UGT1A8: variants seen among roughly 807,000 people sequenced by gnomAD.
UGT1A8 encodes UDP-glucuronosyltransferase 1A8.
A neutral mutation model predicts 45.3 loss-of-function variants in UGT1A8; 39 were observed. The observed-to-expected ratio is 0.86, with a 90% CI of 0.67 to 1.12. The LOEUF (loss-of-function observed/expected upper bound fraction) is 1.12, where lower values mean the gene tolerates loss of function less well. UGT1A8 is among the 50% of genes most tolerant of loss of function. The pLI is 0.00. For synonymous variants in UGT1A8, 275 were observed against 249.2 expected, an observed-to-expected ratio of 1.10 and a Z score of -0.97; for missense variants, 719 against 664.9, an observed-to-expected ratio of 1.08 and a Z score of -0.90.
chr2:233,651,748 A>G lies in UGT1A8; in HGVS notation c.855+33186A>G, dbSNP rs191487495. 3.2e-4 allele frequency among the ~76,000 whole-genome samples: 48 copies of G among 152,270 alleles called. 1 individual carries two copies. Among genetic ancestry groups the G allele is most frequent in the Non-Finnish European group, 5.9e-4 (40 of 68,008 alleles). On this transcript the variant is annotated intron_variant, in intron 1 of 4. Coordinates refer to ENST00000373450, the MANE Select transcript of UGT1A8 (RefSeq NM_019076.5). ...GTCATAGTCTGAAGTGTCTGATGAG[A>G]AGGAAGCATCACTTGATGGAGTGTG...
At chr2:233,682,126 T>A in intron 1 of UGT1A8, 1 of 1,614,070 alleles carries the variant, frequency 6.2e-7, no homozygotes, top group East Asian at 2.2e-5. Flanking sequence ...CAGAGGTGAG[T>A]TGGCAACTGG....
chr2:233,767,788 G>T, intron 2 of UGT1A8, 61 bp from the exon 3 acceptor site: 1 of 1,613,882 alleles, frequency 6.2e-7, no homozygotes, highest in Non-Finnish European at 8.5e-7. Flanking sequence ...TAGTATAGCA[G>T]ATTTGTTTTC....
intron 1 of UGT1A8, chr2:233,718,684 C>T (rs926562012): frequency 4.8e-5 from 76 of 1,577,802 alleles, no homozygotes; most frequent in East Asian, 2.5e-4. Context: ...TAATAAGTAA[C>T]TGGAGGAGGG....
chr2:233,682,806 C>T (rs2074601597), intron 1 of UGT1A8: 10 of 1,594,636 alleles, frequency 6.3e-6, no homozygotes, highest in Non-Finnish European at 8.6e-6. Flanking sequence ...AGTTATCTCC[C>T]CTTTAGCACA....
chr2:233,656,608 T>G (rs11893247), intron 1 of UGT1A8, among the ~76,000 whole-genome samples: 16,162 of 152,226 alleles, frequency 0.11, 997 homozygotes, highest in African/African-American at 0.18. Flanking sequence ...TGTGTAGTTT[T>G]GTATCTGATT....
At chr2:233,621,359 T>C (rs1318235477) in intron 1 of UGT1A8, among the ~76,000 whole-genome samples, 2 of 152,118 alleles carry the variant, frequency 1.3e-5, no homozygotes, top group African/African-American at 4.8e-5. Flanking sequence ...TGATGACTGG[T>C]TTTAGGTGAA....
chr2:233,646,020 G>A (rs1385112121), intron 1 of UGT1A8, among the ~76,000 whole-genome samples: 3 of 152,198 alleles, frequency 2.0e-5, no homozygotes, highest in Admixed American at 6.5e-5. Flanking sequence ...TATCCATACA[G>A]CCTCTGAAAT....
rs1575382008 is a variant in UGT1A8, at chr2:233,622,683, T to C, written c.855+4121T>C. ...TTCTCCCATTTCATAGGTTGCCTTT[T>C]CACTCTGATGATAGTTTCTTTTGCT... On this transcript the variant is annotated intron_variant, in intron 1 of 4. Coordinates refer to ENST00000373450, the MANE Select transcript of UGT1A8 (RefSeq NM_019076.5). Among the ~76,000 whole-genome samples, 3 of 152,242 alleles carry C rather than the reference T, an allele frequency of 2.0e-5. No individual in the cohort carries two copies. The South Asian group carries it at 6.2e-4, about 31-fold the overall frequency.
At chr2:233,623,987 T>C (rs541355740) in intron 1 of UGT1A8, among the ~76,000 whole-genome samples, 37 of 152,272 alleles carry the variant, frequency 2.4e-4, no homozygotes, top group African/African-American at 7.7e-4. Context: ...TTCTTACAAA[T>C]ACTTTATTTT....
intron 1 of UGT1A8, chr2:233,747,278 C>T (rs925407656): frequency 6.3e-6 from 10 of 1,599,168 alleles, no homozygotes; most frequent in Non-Finnish European, 8.5e-6. Flanking sequence ...CTTCTCAGTG[C>T]CCAGCCCTGG....
intron 1 of UGT1A8, among the ~76,000 whole-genome samples, chr2:233,706,498 G>T (rs908363242): frequency 7.2e-5 from 11 of 152,246 alleles, no homozygotes; most frequent in African/African-American, 2.4e-4. Context: ...GTCCAGGCTG[G>T]TGTGATGCTG....
chr2:233,747,597 G>A (rs1160963474), intron 1 of UGT1A8: 51 of 1,576,164 alleles, frequency 3.2e-5, no homozygotes, highest in Non-Finnish European at 4.2e-5. Context: ...TAGGTCTTGT[G>A]TGGAGCTACT....
intron 1 of UGT1A8, chr2:233,648,669 T>A (rs2073664657): frequency 3.2e-6 from 1 of 308,978 alleles, no homozygotes; most frequent in African/African-American, 2.2e-5. Flanking sequence ...TTTCACCGTG[T>A]TAGCCAGGAT....
At chr2:233,764,825 G>A (rs1698655202) in intron 1 of UGT1A8, among the ~76,000 whole-genome samples, 1 of 152,070 alleles carries the variant, frequency 6.6e-6, no homozygotes, top group African/African-American at 2.4e-5. Flanking sequence ...ATGCAGCATG[G>A]TGGTGGGGAG....
chr2:233,639,930 T>C (rs2018609), intron 1 of UGT1A8, among the ~76,000 whole-genome samples: 47,491 of 151,908 alleles, frequency 0.31, 8,028 homozygotes, highest in East Asian at 0.52. Context: ...GAAGTCACTC[T>C]TAGTCTCTTT....
chr2:233,738,734 C>G (rs1273987564), intron 1 of UGT1A8, among the ~76,000 whole-genome samples: 1 of 152,148 alleles, frequency 6.6e-6, no homozygotes, highest in Non-Finnish European at 1.5e-5. Context: ...AAATTTGCAG[C>G]CTGACCATGT....
chr2:233,673,511 A>C (rs983652888), intron 1 of UGT1A8, among the ~76,000 whole-genome samples: 2 of 152,138 alleles, frequency 1.3e-5, no homozygotes, highest in African/African-American at 2.4e-5. Flanking sequence ...AGAGCCCTAC[A>C]TGTAGGGTTA....
chr2:233,656,187 A>G (rs1383510796), intron 1 of UGT1A8, among the ~76,000 whole-genome samples: 3 of 152,228 alleles, frequency 2.0e-5, no homozygotes, highest in Admixed American at 2.0e-4. Context: ...TGCATGTTAC[A>G]TATGACCCGT....
chr2:233,650,931 T>C (rs965677950), intron 1 of UGT1A8, among the ~76,000 whole-genome samples: 1 of 152,240 alleles, frequency 6.6e-6, no homozygotes, highest in African/African-American at 2.4e-5. Flanking sequence ...ATTTTGGCTA[T>C]GTTCTGGCTT....
Sources: gnomAD v4.1 joint callset for allele counts (sites outside exome capture counted in the v4.1 genomes callset) on GRCh38, gnomAD v4.1.1 for gene constraint, MANE v1.5 for transcripts, NCBI Gene and HGNC (gene_info 2026-07-23, HGNC 2026-07-21) for gene names.